SCD5: variants seen among roughly 807,000 people sequenced by gnomAD.
SCD5 encodes stearoyl-CoA desaturase 5.
In SCD5, 20 loss-of-function variants were observed where a neutral mutation model predicts 30.4. The observed-to-expected ratio is 0.66, with a 90% CI of 0.46 to 0.96. The LOEUF (loss-of-function observed/expected upper bound fraction) is 0.96, where lower values mean the gene tolerates loss of function less well. Ranked by LOEUF, SCD5 falls within the 40% of genes least tolerant of loss-of-function variation. The pLI is 0.00. For missense variants in SCD5, 381 were observed against 443.3 expected (o/e 0.86, Z 1.26); for synonymous variants, 173 against 176.4 (o/e 0.98, Z 0.16).
At chr4:82,668,170 G>A in intron 3 of SCD5, among the ~76,000 whole-genome samples, 1 of 152,156 alleles carries the variant, frequency 6.6e-6, no homozygotes, top group Non-Finnish European at 1.5e-5. Context: ...GAGGCAAAAT[G>A]TCTCCATGCA....
intron 1 of SCD5, among the ~76,000 whole-genome samples, chr4:82,796,120 A>G (rs989990339): frequency 1.3e-5 from 2 of 151,972 alleles, no homozygotes; most frequent in African/African-American, 4.8e-5. Flanking sequence ...AATACAAAAA[A>G]TTAGCCGGGC....
intron 1 of SCD5, among the ~76,000 whole-genome samples, chr4:82,730,147 G>A (rs1051309409): frequency 6.6e-6 from 1 of 150,460 alleles, no homozygotes; most frequent in Non-Finnish European, 1.5e-5. Context: ...TAATTTACAG[G>A]ACCCCAGCTG....
intron 4 of SCD5, among the ~76,000 whole-genome samples, chr4:82,634,056 T>C (rs1292339782): frequency 6.6e-6 from 1 of 152,226 alleles, no homozygotes; most frequent in Non-Finnish European, 1.5e-5. Flanking sequence ...TTTTCAAGGT[T>C]CATTCATTTT....
At chr4:82,760,920 T>C (rs560865902) in intron 1 of SCD5, among the ~76,000 whole-genome samples, 1 of 152,332 alleles carries the variant, frequency 6.6e-6, no homozygotes, top group African/African-American at 2.4e-5. Flanking sequence ...GCCCTGAGCA[T>C]AGCACACACA....
chr4:82,709,806 A>G (rs1720045236), intron 1 of SCD5, among the ~76,000 whole-genome samples: 1 of 152,250 alleles, frequency 6.6e-6, no homozygotes, highest in Non-Finnish European at 1.5e-5. Flanking sequence ...AGAAGGCAGA[A>G]ATAATCCAAG....
At chr4:82,673,835 C>T (rs1302764247) in intron 3 of SCD5, among the ~76,000 whole-genome samples, 1 of 152,072 alleles carries the variant, frequency 6.6e-6, no homozygotes, top group Non-Finnish European at 1.5e-5. Context: ...AACAGAGAGC[C>T]TAGAAATAGA....
chr4:82,786,387 T>C (rs17354245), intron 1 of SCD5, among the ~76,000 whole-genome samples: 18,446 of 152,182 alleles, frequency 0.12, 1,202 homozygotes, highest in African/African-American at 0.18. Context: ...TGTGTGACAA[T>C]CTTGATAGAA....
chr4:82,689,148 G>C (rs1389505916), intron 2 of SCD5, among the ~76,000 whole-genome samples: 1 of 152,188 alleles, frequency 6.6e-6, no homozygotes, highest in East Asian at 1.9e-4. Context: ...CCACTAAAAG[G>C]AATCAGGAGT....
At chr4:82,651,932 G>T (rs548902260) in intron 3 of SCD5, among the ~76,000 whole-genome samples, 2 of 152,194 alleles carry the variant, frequency 1.3e-5, no homozygotes, top group Admixed American at 6.6e-5. Flanking sequence ...TAAAATGTAA[G>T]AAAAAATTGG....
intron 3 of SCD5, among the ~76,000 whole-genome samples, chr4:82,655,121 C>T (rs1243939352): frequency 6.6e-6 from 1 of 152,194 alleles, no homozygotes. Flanking sequence ...TCATCTACTA[C>T]AGTGTCACTT....
intron 1 of SCD5, among the ~76,000 whole-genome samples, chr4:82,783,097 C>A (rs1275038099): frequency 6.6e-6 from 1 of 152,142 alleles, no homozygotes; most frequent in African/African-American, 2.4e-5. Flanking sequence ...TGGATGGAGC[C>A]CTGAAATCTA....
At chr4:82,712,299 T>TACATATATATATATATATACG (rs1560540883) in intron 1 of SCD5, among the ~76,000 whole-genome samples, 2 of 32,028 alleles carry the variant, frequency 6.2e-5, no homozygotes, top group Non-Finnish European at 1.3e-4. Flanking sequence ...TATATATATT[T>TACATATATATATATATATACG]TATTTTTATT....
intron 1 of SCD5, among the ~76,000 whole-genome samples, chr4:82,709,740 G>C (rs139466689): frequency 6.6e-6 from 1 of 152,302 alleles, no homozygotes; most frequent in African/African-American, 2.4e-5. Context: ...AGCAGTGATA[G>C]GACTCAAACA....
In SCD5 at chr4:82,788,391, C is replaced by A. The variant is rs998729434; in HGVS notation, c.232+9915G>T. Among the ~76,000 whole-genome samples the A allele has an allele frequency of 7.9e-5, 12 of 151,476 alleles. No homozygotes were observed. The East Asian group carries it at 1.7e-3, about 22-fold the overall frequency. On this transcript the variant is annotated intron_variant, in intron 1 of 4. Coordinates refer to ENST00000319540, the MANE Select transcript of SCD5 (RefSeq NM_001037582.3). ...GCATGACACAATCCTACATGTGAGA[C>A]TTTTTTTAAAATCTTTTTTATGACA...
At chr4:82,785,626 G>A (rs935157577) in intron 1 of SCD5, among the ~76,000 whole-genome samples, 1 of 152,176 alleles carries the variant, frequency 6.6e-6, no homozygotes, top group Admixed American at 6.5e-5. Flanking sequence ...TTGCTAGTCT[G>A]TCTTTTGCTG....
At chr4:82,748,329 C>T (rs943658884) in intron 1 of SCD5, among the ~76,000 whole-genome samples, 1 of 151,572 alleles carries the variant, frequency 6.6e-6, no homozygotes, top group Non-Finnish European at 1.5e-5. Context: ...AAGCACAGGG[C>T]ACGGGGGAGA....
At chr4:82,662,816 C>T (rs1254149769) in intron 3 of SCD5, among the ~76,000 whole-genome samples, 4 of 146,604 alleles carry the variant, frequency 2.7e-5, no homozygotes, top group Admixed American at 2.1e-4. Flanking sequence ...GCCGAGACCA[C>T]GCCATTGCAC....
chr4:82,680,916 CAG>C lies in SCD5; in HGVS notation c.364-6_364-5del. 6.2e-7 allele frequency: 1 copy of C among 1,609,884 alleles called. No homozygotes were observed. On this transcript the variant is annotated splice_polypyrimidine_tract_variant and splice_region_variant and intron_variant, in intron 2 of 4. Transcript: ENST00000319540. The stretch of plus-strand genomic sequence containing the variant: ...TGGACCACTCGAAGATGTCATTCTG[CAG>C]AGAGAATGAGAGCCTGAGTGAAGAG...
intron 1 of SCD5, among the ~76,000 whole-genome samples, chr4:82,758,869 C>T (rs1382756242): frequency 6.6e-6 from 1 of 152,210 alleles, no homozygotes; most frequent in Non-Finnish European, 1.5e-5. Context: ...CTGGCTTCAG[C>T]TGTCACAGCA....
Sources: gnomAD v4.1 joint callset for allele counts (sites outside exome capture counted in the v4.1 genomes callset) on GRCh38, gnomAD v4.1.1 for gene constraint, MANE v1.5 for transcripts, NCBI Gene and HGNC (gene_info 2026-07-23, HGNC 2026-07-21) for gene names.